Variants in DCAF8L2 observed in about 807,000 individuals in gnomAD.
The protein encoded by DCAF8L2 is DDB1- and CUL4-associated factor 8-like protein 2.
For synonymous variants in DCAF8L2, 200 were observed against 190.9 expected (o/e 1.05, Z -0.39); for missense variants, 430 against 490.7 (o/e 0.88, Z 1.17).
At chrX:27,613,241 G>T (rs1454850246) in intron 1 of DCAF8L2, among the ~76,000 whole-genome samples, 1 of 110,966 alleles carries the variant, frequency 9.0e-6, no homozygotes, top group African/African-American at 3.3e-5. Context: ...TCATGATTTG[G>T]CTCTCTGTTT....
At chrX:27,547,330 A>G in the DCAF8L2 span, among the ~76,000 whole-genome samples, 822 of 111,969 alleles carry the variant, frequency 7.3e-3, 22 homozygotes, top group Admixed American at 0.069. Context: ...TGAGCCCTCC[A>G]AACTGTTCCA....
intron 3 of DCAF8L2, among the ~76,000 whole-genome samples, chrX:27,687,440 A>G (rs1469131128): frequency 8.9e-6 from 1 of 112,210 alleles, no homozygotes; most frequent in Non-Finnish European, 1.9e-5. Flanking sequence ...AGTTGCAAGT[A>G]CTGAAATTCT....
At chrX:27,724,597 T>G in intron 4 of DCAF8L2, among the ~76,000 whole-genome samples, 1 of 111,117 alleles carries the variant, frequency 9.0e-6, no homozygotes, top group Non-Finnish European at 1.9e-5. Flanking sequence ...TATACTAACT[T>G]TAGTGGAATA....
intron 4 of DCAF8L2, among the ~76,000 whole-genome samples, chrX:27,742,596 C>A (rs773778556): frequency 7.9e-4 from 74 of 93,251 alleles, no homozygotes; most frequent in Admixed American, 6.3e-3. Context: ...CAAAAACAAA[C>A]AAAAAAAAAA....
chrX:27,524,430 A>G, the DCAF8L2 span, among the ~76,000 whole-genome samples: 1 of 108,989 alleles, frequency 9.2e-6, no homozygotes, highest in African/African-American at 3.3e-5. Context: ...TTTCTTTTTT[A>G]TTAGTCTTTC....
the DCAF8L2 span, among the ~76,000 whole-genome samples, chrX:27,513,024 G>A: frequency 1.8e-5 from 2 of 110,753 alleles, no homozygotes; most frequent in Non-Finnish European, 3.8e-5. Context: ...AATGGTGCTG[G>A]GACAACTGTA....
At chrX:27,469,077 C>T in the DCAF8L2 span, among the ~76,000 whole-genome samples, 1 of 111,640 alleles carries the variant, frequency 9.0e-6, no homozygotes, top group Admixed American at 9.5e-5. Context: ...ACTAGCTGTG[C>T]GCATGGCTTC....
intron 2 of DCAF8L2, among the ~76,000 whole-genome samples, chrX:27,667,388 C>A (rs1052079925): frequency 1.3e-4 from 14 of 111,410 alleles, no homozygotes; most frequent in African/African-American, 4.6e-4. Context: ...TTTTTAATAA[C>A]CCCCAAATAA....
At chrX:27,542,827 G>A in the DCAF8L2 span, among the ~76,000 whole-genome samples, 8 of 110,642 alleles carry the variant, frequency 7.2e-5, no homozygotes, top group Non-Finnish European at 1.1e-4. Flanking sequence ...TTTTTAATGG[G>A]GTTATTTGTT....
At chrX:27,592,302 C>T (rs1158963988) in intron 1 of DCAF8L2, among the ~76,000 whole-genome samples, 2 of 112,310 alleles carry the variant, frequency 1.8e-5, no homozygotes, top group African/African-American at 6.5e-5. Context: ...CATGTGCTGC[C>T]GCACCACATC....
chrX:27,514,988 AAATAATAATCTAGCATATATTTC>A, the DCAF8L2 span, among the ~76,000 whole-genome samples: 3 of 111,620 alleles, frequency 2.7e-5, no homozygotes, highest in Non-Finnish European at 3.8e-5. Context: ...TGACTACAGC[AAATAATAATCTAGCATATATTTC>A]AAGATAGATA....
At chrX:27,648,665 A>G (rs1178970565) in intron 2 of DCAF8L2, among the ~76,000 whole-genome samples, 2 of 110,542 alleles carry the variant, frequency 1.8e-5, no homozygotes, top group African/African-American at 6.6e-5. Context: ...TTTTCTTACA[A>G]TTTTCACAAT....
chrX:27,612,745 C>T (rs897245787), intron 1 of DCAF8L2, among the ~76,000 whole-genome samples: 1 of 111,607 alleles, frequency 9.0e-6, no homozygotes, highest in Non-Finnish European at 1.9e-5. Flanking sequence ...TGTCAAAGAT[C>T]AGATGGTTGT....
chrX:27,634,754 C>T (rs1302551960), intron 2 of DCAF8L2, among the ~76,000 whole-genome samples: 4 of 110,522 alleles, frequency 3.6e-5, no homozygotes, highest in South Asian at 3.9e-4. Flanking sequence ...GTTTCATGCA[C>T]GAAATTATTT....
chrX:27,551,276 C>A, the DCAF8L2 span, among the ~76,000 whole-genome samples: 1,592 of 110,369 alleles, frequency 0.014, 43 homozygotes, highest in African/African-American at 0.05. Context: ...GCCACCCCAA[C>A]CTTCAGCAAC....
the DCAF8L2 span, among the ~76,000 whole-genome samples, chrX:27,532,753 T>G: frequency 2.9e-5 from 3 of 103,602 alleles, no homozygotes; most frequent in Non-Finnish European, 3.9e-5. Context: ...TATTTATTTA[T>G]TTATTTATTT....
At chrX:27,616,172 G>A (rs1927466493) in intron 1 of DCAF8L2, among the ~76,000 whole-genome samples, 1 of 110,493 alleles carries the variant, frequency 9.1e-6, no homozygotes, top group African/African-American at 3.3e-5. Flanking sequence ...AGATTATTTT[G>A]TGGCTAAAGA....
At chrX:27,511,818 G>A in the DCAF8L2 span, among the ~76,000 whole-genome samples, 2 of 112,303 alleles carry the variant, frequency 1.8e-5, no homozygotes, top group East Asian at 5.6e-4. Flanking sequence ...CAACTGTGAA[G>A]TGAAGACAAG....
chrX:27,648,558 T>G (rs1057217423), intron 2 of DCAF8L2, among the ~76,000 whole-genome samples: 1 of 108,587 alleles, frequency 9.2e-6, no homozygotes, highest in African/African-American at 3.3e-5. Flanking sequence ...TCTGCTTTAC[T>G]TTTTGGAATT....
Sources: allele counts gnomAD v4.1 joint callset (sites outside exome capture counted in the v4.1 genomes callset), GRCh38; gene constraint gnomAD v4.1.1; transcripts MANE v1.5; gene names NCBI Gene and HGNC (gene_info 2026-07-23, HGNC 2026-07-21).